PRRX1: variants seen among roughly 807,000 people sequenced by gnomAD.
PRRX1 encodes paired related homeobox 1.
PRRX1 carries 8 observed loss-of-function variants against 24.0 expected under a neutral mutation model. That is an observed-to-expected ratio of 0.33 (90% confidence interval 0.20 to 0.60). The LOEUF is 0.60. PRRX1 is among the 20% of genes least tolerant of loss of function. The probability of loss-of-function intolerance (pLI) is 0.82; values close to 1 mark genes in which losing one functional copy is unlikely to be tolerated. For synonymous variants in PRRX1, 160 were observed against 131.7 expected (o/e 1.22, Z -1.47); for missense variants, 281 against 322.4 (o/e 0.87, Z 0.98).
At chr1:170,673,876 ATCCTG>A (rs1157850924) in intron 1 of PRRX1, among the ~76,000 whole-genome samples, 1 of 152,176 alleles carries the variant, frequency 6.6e-6, no homozygotes, top group Admixed American at 6.5e-5. Flanking sequence ...TTAAGTCTCT[ATCCTG>A]GCTCACCTGC....
chr1:170,665,015 G>C (rs1652869359), intron 1 of PRRX1, among the ~76,000 whole-genome samples: 1 of 152,228 alleles, frequency 6.6e-6, no homozygotes, highest in Non-Finnish European at 1.5e-5. Context: ...GGGAGGCCCC[G>C]AGAGAACGCC....
chr1:170,702,579 A>G (rs1316468112), intron 1 of PRRX1, among the ~76,000 whole-genome samples: 2 of 152,144 alleles, frequency 1.3e-5, no homozygotes, highest in African/African-American at 4.8e-5. Flanking sequence ...ATTCAACTTA[A>G]TTTCTTTAGA....
At chr1:170,691,502 TTTCCTTTCC>T (rs1464564882) in intron 1 of PRRX1, among the ~76,000 whole-genome samples, 4 of 144,858 alleles carry the variant, frequency 2.8e-5, no homozygotes, top group Non-Finnish European at 6.1e-5. Flanking sequence ...TTTCCTTTCC[TTTCCTTTCC>T]TTCCTTCTTC....
chr1:170,679,136 T>C (rs1189656222), intron 1 of PRRX1, among the ~76,000 whole-genome samples: 2 of 152,130 alleles, frequency 1.3e-5, no homozygotes, highest in African/African-American at 4.8e-5. Flanking sequence ...TTCAAAGGAG[T>C]ACATACAGCT....
upstream of PRRX1, chr1:170,662,846 T>G (rs1181284009): frequency 2.0e-5 from 3 of 151,852 alleles, no homozygotes; most frequent in Non-Finnish European, 4.4e-5. Flanking sequence ...AACATGCAAA[T>G]GAGATTTTCC....
At chr1:170,700,917 T>C (rs1226227377) in intron 1 of PRRX1, among the ~76,000 whole-genome samples, 1 of 152,182 alleles carries the variant, frequency 6.6e-6, no homozygotes, top group Non-Finnish European at 1.5e-5. Flanking sequence ...ATCATGATCA[T>C]ATCACTTACC....
chr1:170,675,556 C>T (rs1284172059), intron 1 of PRRX1, among the ~76,000 whole-genome samples: 2 of 151,928 alleles, frequency 1.3e-5, no homozygotes, highest in Non-Finnish European at 2.9e-5. Context: ...TAGAGGTATA[C>T]GTAAGATAGT....
chr1:170,708,355 G>A (rs538779196), intron 1 of PRRX1, among the ~76,000 whole-genome samples: 3 of 151,802 alleles, frequency 2.0e-5, no homozygotes, highest in East Asian at 3.9e-4. Context: ...TTAGTGCATC[G>A]GCTTCCTTAC....
At chr1:170,702,504 G>C (rs1571333217) in intron 1 of PRRX1, among the ~76,000 whole-genome samples, 1 of 152,212 alleles carries the variant, frequency 6.6e-6, no homozygotes. Flanking sequence ...ATGGGTGTGT[G>C]TGCAGGCAAA....
chr1:170,692,577 CTGTTCTAGT>C, intron 1 of PRRX1, among the ~76,000 whole-genome samples: 1 of 139,606 alleles, frequency 7.2e-6, no homozygotes, highest in East Asian at 2.1e-4. Flanking sequence ...AGAACCAGGT[CTGTTCTAGT>C]TGAATCTTTT....
In PRRX1 at chr1:170,700,957, C is replaced by G. The variant is rs142846758; in HGVS notation, c.242-18769C>G. 7.3e-3 allele frequency among the ~76,000 whole-genome samples: 1,119 copies of G among 152,268 alleles called. 10 individuals are homozygous for G. The highest frequency in any genetic ancestry group is 0.026 in the African/African-American group (1,079 of 41,554). ...CTGCATTCCTGAGAAGTCTATTTTT[C>G]TGAACTCTTGAAATTAGGACAGTGA... On this transcript the variant is annotated intron_variant, in intron 1 of 3. Transcript: ENST00000239461.
At chr1:170,717,412 T>C (rs1352347626) in intron 1 of PRRX1, among the ~76,000 whole-genome samples, 1 of 152,218 alleles carries the variant, frequency 6.6e-6, no homozygotes, top group Non-Finnish European at 1.5e-5. Context: ...CAGTTGGCAG[T>C]ACAAGAAGAA....
chr1:170,721,265 G>GT (rs1655076552), intron 2 of PRRX1, among the ~76,000 whole-genome samples: 1 of 152,210 alleles, frequency 6.6e-6, no homozygotes, highest in Non-Finnish European at 1.5e-5. Context: ...GATAAGGTGG[G>GT]TAGGTCCAAT....
intron 1 of PRRX1, among the ~76,000 whole-genome samples, chr1:170,691,495 C>CCTTTCCTT (rs1653949495): frequency 6.9e-6 from 1 of 145,670 alleles, no homozygotes; most frequent in African/African-American, 2.6e-5. Context: ...CCTTTCCTTT[C>CCTTTCCTT]CTTTCCTTTC....
intron 1 of PRRX1, chr1:170,667,767 T>A (rs1652993590): frequency 6.6e-6 from 1 of 152,178 alleles, no homozygotes; most frequent in Non-Finnish European, 1.5e-5. Context: ...TGGGGAATAT[T>A]AAAAAGAAGC....
chr1:170,684,823 T>C (rs1653676518), intron 1 of PRRX1, among the ~76,000 whole-genome samples: 1 of 152,152 alleles, frequency 6.6e-6, no homozygotes. Flanking sequence ...ATGAAGAAAG[T>C]TAAGAAATGC....
At chr1:170,714,134 A>T (rs924693082) in intron 1 of PRRX1, among the ~76,000 whole-genome samples, 1 of 152,234 alleles carries the variant, frequency 6.6e-6, no homozygotes, top group Non-Finnish European at 1.5e-5. Context: ...TGCTGTCCTA[A>T]TTTCAGTTAA....
At chr1:170,670,644 G>T (rs1653113749) in intron 1 of PRRX1, among the ~76,000 whole-genome samples, 1 of 151,920 alleles carries the variant, frequency 6.6e-6, no homozygotes, top group South Asian at 2.1e-4. Context: ...TTAACTTTAA[G>T]ATTAAAAAAA....
chr1:170,736,297 A>G lies in PRRX1; in HGVS notation c.*111A>G. Reference sequence around the variant, plus strand: ...GGGAAAAAGTAAATTACAAACAAACAAACAAAGCAGAACTAAAATATTGGG... The same window carrying G: ...GGGAAAAAGTAAATTACAAACAAACGAACAAAGCAGAACTAAAATATTGGG... On this transcript the variant is annotated 3_prime_UTR_variant, in exon 4 of 4. Transcript: ENST00000239461. The G allele has an allele frequency of 6.9e-7, 1 of 1,439,240 alleles. No homozygotes were observed. The highest frequency in any genetic ancestry group is 9.6e-7 in the Non-Finnish European group (1 of 1,044,378). The allele number at this position is 1,439,240 out of a possible 1,614,324, so 89.2% of individuals were successfully genotyped here. A position where few individuals can be genotyped will look rare whatever the true frequency, so the allele number is the denominator to read the frequency against.
Sources: gnomAD v4.1 joint callset for allele counts (sites outside exome capture counted in the v4.1 genomes callset) on GRCh38, gnomAD v4.1.1 for gene constraint, MANE v1.5 for transcripts, NCBI Gene and HGNC (gene_info 2026-07-23, HGNC 2026-07-21) for gene names.